The following GRAMD1C variants were observed in gnomAD, a reference collection of about 807,000 sequenced individuals.
GRAMD1C encodes protein Aster-C.
A neutral mutation model predicts 97.8 loss-of-function variants in GRAMD1C; 89 were observed. That is an observed-to-expected ratio of 0.91 (90% CI 0.77 to 1.09). The LOEUF (loss-of-function observed/expected upper bound fraction) is 1.09. Among genes scored for constraint, GRAMD1C ranks in the 50% least tolerant of loss-of-function variants. The probability of loss-of-function intolerance (pLI) is 0.00; values close to 1 mark genes in which losing one functional copy is unlikely to be tolerated. For missense variants in GRAMD1C, 740 were observed against 766.4 expected, an observed-to-expected ratio of 0.97 and a Z score of 0.41; for synonymous variants, 256 against 267.0, an observed-to-expected ratio of 0.96 and a Z score of 0.40.
intron 3 of GRAMD1C, among the ~76,000 whole-genome samples, chr3:113,874,737 C>T (rs1468769683): frequency 6.6e-6 from 1 of 152,148 alleles, no homozygotes; most frequent in Non-Finnish European, 1.5e-5. Context: ...AACATCTAAT[C>T]AATCACCAAT....
intron 6 of GRAMD1C, among the ~76,000 whole-genome samples, chr3:113,899,521 C>T (rs538902284): frequency 2.0e-5 from 3 of 152,166 alleles, no homozygotes; most frequent in Non-Finnish European, 4.4e-5. Flanking sequence ...GTTTATTCTC[C>T]TTAGCATCTA....
At chr3:113,905,276 T>C (rs1473565951) in intron 8 of GRAMD1C, among the ~76,000 whole-genome samples, 2 of 152,262 alleles carry the variant, frequency 1.3e-5, no homozygotes, top group Non-Finnish European at 2.9e-5. Flanking sequence ...ATGATGTCTT[T>C]TCTTTCTGGC....
At chr3:113,913,764 T>C (rs971044757) in intron 9 of GRAMD1C, among the ~76,000 whole-genome samples, 5 of 152,206 alleles carry the variant, frequency 3.3e-5, no homozygotes, top group African/African-American at 1.2e-4. Flanking sequence ...GGACTTGTCA[T>C]ATGTATTAAA....
At chr3:113,841,362 C>T (rs758570714) in intron 1 of GRAMD1C, among the ~76,000 whole-genome samples, 50 of 140,820 alleles carry the variant, frequency 3.6e-4, no homozygotes, top group South Asian at 1.6e-3. Flanking sequence ...CTCAGCTCAC[C>T]GCAACCTCCA....
In GRAMD1C at chr3:113,923,209, A is replaced by G. The variant is rs1937121142; in HGVS notation, c.1090+7371A>G. On this transcript the variant is annotated intron_variant, in intron 10 of 17. Transcript: ENST00000358160. ...GGGGTTTTCTAGGTATAAAAACAAT[A>G]TCTTCTGCAAATAGATATAGTTTGA... Among the ~76,000 whole-genome samples, 3 of 152,304 alleles carry G rather than the reference A, an allele frequency of 2.0e-5. No individual in the cohort carries two copies. In the South Asian group the frequency reaches 6.2e-4, roughly 32 times the overall value.
chr3:113,879,346 A>C (rs1032747954), intron 5 of GRAMD1C, among the ~76,000 whole-genome samples: 3 of 152,058 alleles, frequency 2.0e-5, no homozygotes, highest in Admixed American at 6.6e-5. Flanking sequence ...GTTTGTCACT[A>C]TGTGTGGTTG....
chr3:113,885,786 C>G (rs1003707075), intron 6 of GRAMD1C: 8 of 1,606,186 alleles, frequency 5.0e-6, no homozygotes, highest in African/African-American at 4.0e-5. Flanking sequence ...CTGCACTTTG[C>G]AGTTGAGCAG....
intron 6 of GRAMD1C, among the ~76,000 whole-genome samples, chr3:113,891,464 T>G (rs951693214): frequency 6.6e-5 from 10 of 152,090 alleles, no homozygotes; most frequent in Non-Finnish European, 1.5e-4. Context: ...TTGGTTAAAT[T>G]TCTTGATCTT....
chr3:113,911,525 C>T (rs992208291), intron 9 of GRAMD1C, among the ~76,000 whole-genome samples: 1 of 151,990 alleles, frequency 6.6e-6, no homozygotes, highest in South Asian at 2.1e-4. Flanking sequence ...GGTGTCTATT[C>T]TTATAAGGAC....
At chr3:113,853,430 A>G (rs1933992316) in intron 2 of GRAMD1C, among the ~76,000 whole-genome samples, 1 of 152,220 alleles carries the variant, frequency 6.6e-6, no homozygotes, top group South Asian at 2.1e-4. Flanking sequence ...AGCAAGAGGC[A>G]ATATTCAAAG....
chr3:113,869,200 A>G (rs1934697848), intron 2 of GRAMD1C, among the ~76,000 whole-genome samples: 1 of 152,134 alleles, frequency 6.6e-6, no homozygotes, highest in South Asian at 2.1e-4. Flanking sequence ...GTGGATTTTC[A>G]TGAACAAATA....
At position 113,904,437 on chromosome 3, in the gene GRAMD1C, G is replaced by A. The variant is rs143493664; in HGVS notation, c.789+165G>A. On this transcript the variant is annotated intron_variant, in intron 8 of 17. Transcript: ENST00000358160. ...AGTCTGTTAGTAGCAGAGATTATGT[G>A]GGAAAATATGTGGTTTTGTTCAGAG... Among the ~76,000 whole-genome samples, 78 of 152,242 alleles carry A rather than the reference G, an allele frequency of 5.1e-4. No individual in the cohort carries two copies. The East Asian group carries it at 0.013, about 24-fold the overall frequency.
intron 16 of GRAMD1C, 68 bp from the exon 17 acceptor site, chr3:113,940,172 G>T (rs1433672579): frequency 1.9e-6 from 2 of 1,036,004 alleles, no homozygotes; most frequent in Non-Finnish European, 3.0e-6. Context: ...GGGCTCTGAT[G>T]ATTTCTGGAA....
chr3:113,864,789 G>A (rs906785489), intron 2 of GRAMD1C, among the ~76,000 whole-genome samples: 6 of 152,136 alleles, frequency 3.9e-5, no homozygotes, highest in African/African-American at 1.2e-4. Flanking sequence ...GCCATCACCA[G>A]AATTTCTCTT....
At chr3:113,912,699 ACT>A (rs1936647829) in intron 9 of GRAMD1C, among the ~76,000 whole-genome samples, 1 of 151,736 alleles carries the variant, frequency 6.6e-6, no homozygotes, top group Admixed American at 6.6e-5. Context: ...ACACCATTGC[ACT>A]CTAGCCTGGG....
chr3:113,936,561 T>TC, intron 14 of GRAMD1C, 119 bp downstream of exon 14: 2 of 616,808 alleles, frequency 3.2e-6, no homozygotes. Flanking sequence ...CCTTTTTGGA[T>TC]AATGTTTATC....
chr3:113,830,056 T>A (rs1709537707), intron 1 of GRAMD1C, among the ~76,000 whole-genome samples: 1 of 152,002 alleles, frequency 6.6e-6, no homozygotes, highest in Non-Finnish European at 1.5e-5. Flanking sequence ...GAATAGATGA[T>A]CTTGGGGAGG....
intron 3 of GRAMD1C, among the ~76,000 whole-genome samples, chr3:113,872,391 CT>C (rs777339692): frequency 0.35 from 41,495 of 117,540 alleles, 6,724 homozygotes; most frequent in Admixed American, 0.42. Flanking sequence ...TCTTTTTTTT[CT>C]TTTTTTTTTT....
At chr3:113,831,130 A>C (rs1381766623) in intron 1 of GRAMD1C, among the ~76,000 whole-genome samples, 1 of 152,178 alleles carries the variant, frequency 6.6e-6, no homozygotes, top group Non-Finnish European at 1.5e-5. Context: ...CAATACTATA[A>C]TGTAACCTAC....
Sources: allele counts gnomAD v4.1 joint callset (sites outside exome capture counted in the v4.1 genomes callset), GRCh38; gene constraint gnomAD v4.1.1; transcripts MANE v1.5; gene names NCBI Gene and HGNC (gene_info 2026-07-23, HGNC 2026-07-21).